Variants in ZNF407 observed in about 807,000 individuals in gnomAD.
ZNF407 encodes zinc finger protein 407.
In ZNF407, 17 loss-of-function variants were observed where a neutral mutation model predicts 131.2. The ratio of observed to expected loss-of-function variants is 0.13; its 90% CI spans 0.09 to 0.19. ZNF407 has a LOEUF of 0.19. ZNF407 is among the 10% of genes least tolerant of loss of function. The probability of loss-of-function intolerance (pLI) is 1.00; values close to 1 mark genes in which losing one functional copy is unlikely to be tolerated. For synonymous variants in ZNF407, 1,156 were observed against 1,062.0 expected, an observed-to-expected ratio of 1.09 and a Z score of -1.72; for missense variants, 2,681 against 2,830.6, an observed-to-expected ratio of 0.95 and a Z score of 1.20.
chr18:74,808,109 G>T (rs921936608), intron 4 of ZNF407, among the ~76,000 whole-genome samples: 1 of 152,098 alleles, frequency 6.6e-6, no homozygotes. Flanking sequence ...CGCCTCCGAG[G>T]TTCAGATGAT....
At chr18:74,698,178 A>G (rs1387461386) in intron 3 of ZNF407, among the ~76,000 whole-genome samples, 1 of 152,214 alleles carries the variant, frequency 6.6e-6, no homozygotes, top group Non-Finnish European at 1.5e-5. Flanking sequence ...CCTGACAGTT[A>G]CCAAGGGTTT....
At chr18:74,853,505 A>G (rs575838971) in intron 4 of ZNF407, among the ~76,000 whole-genome samples, 1 of 152,294 alleles carries the variant, frequency 6.6e-6, no homozygotes, top group South Asian at 2.1e-4. Flanking sequence ...GTTAGGCTTT[A>G]CGATTATAGA....
intron 8 of ZNF407, among the ~76,000 whole-genome samples, chr18:75,046,323 T>G (rs1973435368): frequency 6.6e-6 from 1 of 152,196 alleles, no homozygotes; most frequent in Admixed American, 6.5e-5. Flanking sequence ...TCAGCATGGC[T>G]GGGCATCAGC....
At chr18:74,644,919 T>C (rs922541821) in intron 3 of ZNF407, among the ~76,000 whole-genome samples, 3 of 151,986 alleles carry the variant, frequency 2.0e-5, no homozygotes, top group Admixed American at 1.3e-4. Flanking sequence ...ATGTAACTTA[T>C]CTACTTTCTC....
intron 3 of ZNF407, among the ~76,000 whole-genome samples, chr18:74,655,912 A>G (rs921880350): frequency 3.9e-5 from 6 of 152,168 alleles, no homozygotes; most frequent in Non-Finnish European, 8.8e-5. Flanking sequence ...GCCAATTTAT[A>G]TGGCTGGCTA....
At chr18:74,756,212 A>G (rs1431006077) in intron 3 of ZNF407, among the ~76,000 whole-genome samples, 1 of 151,840 alleles carries the variant, frequency 6.6e-6, no homozygotes, top group African/African-American at 2.4e-5. Flanking sequence ...TTTTTATGCT[A>G]TTATCGCACC....
At chr18:74,998,210 G>A (rs1490036119) in intron 8 of ZNF407, among the ~76,000 whole-genome samples, 2 of 152,184 alleles carry the variant, frequency 1.3e-5, no homozygotes, top group African/African-American at 4.8e-5. Flanking sequence ...AATTCCCTGA[G>A]GCAGAGAGAG....
At chr18:74,692,347 C>G (rs1043397359) in intron 3 of ZNF407, among the ~76,000 whole-genome samples, 1 of 151,938 alleles carries the variant, frequency 6.6e-6, no homozygotes, top group East Asian at 1.9e-4. Context: ...AGCTGGTGTT[C>G]CAGCTGTTTT....
chr18:74,638,261 C>CT (rs1296332477), intron 2 of ZNF407, among the ~76,000 whole-genome samples: 1 of 152,230 alleles, frequency 6.6e-6, no homozygotes, highest in Non-Finnish European at 1.5e-5. Flanking sequence ...AATCTGTAGA[C>CT]TTTAAGCACA....
intron 8 of ZNF407, among the ~76,000 whole-genome samples, chr18:75,035,435 G>A (rs920245962): frequency 6.6e-6 from 1 of 152,178 alleles, no homozygotes; most frequent in Non-Finnish European, 1.5e-5. Flanking sequence ...GCAAATAACG[G>A]TTTAGTGATG....
At chr18:74,840,699 T>G (rs756131676) in intron 4 of ZNF407, among the ~76,000 whole-genome samples, 12 of 152,134 alleles carry the variant, frequency 7.9e-5, no homozygotes, top group Non-Finnish European at 1.0e-4. Context: ...CTGTCCCAGC[T>G]GATGAGATCA....
chr18:74,889,882 T>G (rs1568256810), intron 6 of ZNF407, 36 bp from the exon 7 acceptor site: 1 of 1,570,982 alleles, frequency 6.4e-7, no homozygotes. Flanking sequence ...CAGTTGTTAT[T>G]ATTATTCATC....
rs1385858419 is a variant in ZNF407, at chr18:75,064,251, C to T, written c.6530C>T (p.Pro2177Leu). ...CACTACATCCTGACAGAGCTGCCCC[C>T]AGGGGTGCAGGACGAGCCGGGCCTG... Reference protein sequence around the residue: ...TTHYILTELPPGVQDEPGLYS... With the variant: ...TTHYILTELPLGVQDEPGLYS... The change falls in exon 9 of 9, where the codon CCA becomes CTA. Residue 2177 changes from proline to leucine, a missense_variant. Pro to Leu is a moderately conservative substitution (Grantham distance 98). Coordinates refer to ENST00000299687, the MANE Select transcript of ZNF407 (RefSeq NM_017757.3). The T allele has an allele frequency of 1.2e-6, 2 of 1,606,422 alleles. No homozygotes were observed. Among genetic ancestry groups the T allele is most frequent in the South Asian group, 1.1e-5 (1 of 90,288 alleles).
intron 1 of ZNF407, among the ~76,000 whole-genome samples, chr18:74,603,538 C>A (rs919202264): frequency 6.6e-6 from 1 of 152,212 alleles, no homozygotes; most frequent in Non-Finnish European, 1.5e-5. Context: ...AGGCAGGCCA[C>A]GTAATCAGTA....
intron 8 of ZNF407, among the ~76,000 whole-genome samples, chr18:75,036,938 G>T (rs532609757): frequency 3.7e-4 from 57 of 152,368 alleles, no homozygotes; most frequent in African/African-American, 1.3e-3. Flanking sequence ...TAGGAAGGAA[G>T]AGGGAAATTG....
At chr18:74,645,179 A>C (rs1301865791) in intron 3 of ZNF407, among the ~76,000 whole-genome samples, 1 of 152,048 alleles carries the variant, frequency 6.6e-6, no homozygotes, top group East Asian at 1.9e-4. Context: ...AGCAGGAGGT[A>C]AGGGTCTAAA....
At chr18:74,851,475 A>AT (rs1017272730) in intron 4 of ZNF407, among the ~76,000 whole-genome samples, 21 of 152,176 alleles carry the variant, frequency 1.4e-4, no homozygotes, top group African/African-American at 4.6e-4. Flanking sequence ...CATTTGAAGT[A>AT]TTTTACATTA....
intron 8 of ZNF407, among the ~76,000 whole-genome samples, chr18:75,043,381 T>C (rs536344028): frequency 3.8e-4 from 58 of 152,342 alleles, no homozygotes; most frequent in Admixed American, 3.5e-3. Flanking sequence ...GCACAGGTCA[T>C]GTGCATGCCC....
At chr18:74,873,418 G>A (rs763516717) in intron 4 of ZNF407, among the ~76,000 whole-genome samples, 1 of 152,136 alleles carries the variant, frequency 6.6e-6, no homozygotes, top group Non-Finnish European at 1.5e-5. Flanking sequence ...ACTGATTTTA[G>A]CAGGTAGGTG....
Sources: allele counts gnomAD v4.1 joint callset (sites outside exome capture counted in the v4.1 genomes callset), GRCh38; gene constraint gnomAD v4.1.1; transcripts MANE v1.5; gene names NCBI Gene and HGNC (gene_info 2026-07-23, HGNC 2026-07-21).